The following SUPT20H variants were observed in gnomAD, a reference collection of about 807,000 sequenced individuals.
The protein encoded by SUPT20H is transcription factor SPT20 homolog.
SUPT20H carries 82 observed loss-of-function variants against 122.8 expected under a neutral mutation model. The observed-to-expected ratio is 0.67, with a 90% CI of 0.56 to 0.80. SUPT20H has a LOEUF of 0.80. Ranked by LOEUF, SUPT20H falls within the 30% of genes least tolerant of loss-of-function variation. SUPT20H has a pLI of 0.00. For synonymous variants in SUPT20H, 291 were observed against 313.0 expected (o/e 0.93, Z 0.74); for missense variants, 831 against 921.6 (o/e 0.90, Z 1.27).
At chr13:37,021,424 G>T in intron 21 of SUPT20H, 24 bp downstream of exon 21, 1 of 1,566,504 alleles carries the variant, frequency 6.4e-7, no homozygotes, top group Non-Finnish European at 8.7e-7. Context: ...TTTTTTTAGA[G>T]GTTATTATTT....
intron 12 of SUPT20H, 24 bp downstream of exon 12, chr13:37,031,543 A>T (rs1274124375): frequency 6.8e-7 from 1 of 1,477,190 alleles, no homozygotes; most frequent in Non-Finnish European, 9.0e-7. Context: ...TATATGAAAA[A>T]AAGTAATTCA....
intron 5 of SUPT20H, among the ~76,000 whole-genome samples, chr13:37,045,574 T>A (rs2066277327): frequency 6.6e-6 from 1 of 152,212 alleles, no homozygotes; most frequent in Admixed American, 6.5e-5. Flanking sequence ...TTTACTACTA[T>A]GTTTTATGCA....
intron 3 of SUPT20H, 108 bp downstream of exon 3, chr13:37,048,455 TA>T: frequency 1.0e-6 from 1 of 983,808 alleles, no homozygotes; most frequent in Non-Finnish European, 1.5e-6. Flanking sequence ...ATACTTGTCC[TA>T]AAATAGTAAT....
chr13:37,024,307 T>C, intron 18 of SUPT20H, 33 bp downstream of exon 18: 4 of 1,540,864 alleles, frequency 2.6e-6, no homozygotes, highest in Non-Finnish European at 3.5e-6. Context: ...ATATTTGTTA[T>C]TCTAGACTGC....
At chr13:37,014,887 C>A (rs2060175010) in intron 23 of SUPT20H, among the ~76,000 whole-genome samples, 1 of 152,162 alleles carries the variant, frequency 6.6e-6, no homozygotes. Flanking sequence ...CTGACACACA[C>A]ACCAGTGAAA....
rs1204802112 is a variant in SUPT20H, at chr13:37,022,731, A to C, written c.1592-651T>G. The C allele has an allele frequency of 5.1e-6, 5 of 989,550 alleles. No homozygotes were observed. Among genetic ancestry groups the C allele is most frequent in the Non-Finnish European group, 6.0e-6 (5 of 830,200 alleles). The allele number at this position is 989,550 out of a possible 1,614,324, so 61.3% of individuals were successfully genotyped here. ...AGTGTAAAAGTCTGAGATAAACTGT[A>C]AACATATTTAATAAGTTACATATGG... is the stretch of plus-strand genomic sequence containing the variant. On this transcript the variant is annotated intron_variant, in intron 19 of 25. Coordinates refer to ENST00000350612, the MANE Select transcript of SUPT20H (RefSeq NM_001014286.3). This position sits in a 1 kb window ranked among gnomAD's most constrained non-coding sequence, Gnocchi z 4.5.
intron 23 of SUPT20H, chr13:37,013,394 C>T (rs879588233): frequency 6.7e-6 from 1 of 150,284 alleles, no homozygotes; most frequent in Non-Finnish European, 1.5e-5. Context: ...TTTTTTTCAA[C>T]AAATGGTATT....
chr13:37,026,251 G>GAA lies in SUPT20H; in HGVS notation c.1179-17_1179-16dup. 6.8e-7 allele frequency: 1 copy of GAA among 1,478,578 alleles called. No homozygotes were observed. The highest frequency in any genetic ancestry group is 1.4e-5 in the South Asian group (1 of 69,668). The allele number at this position is 1,478,578 out of a possible 1,614,324, so 91.6% of individuals were successfully genotyped here. A position where few individuals can be genotyped will look rare whatever the true frequency, so the allele number is the denominator to read the frequency against. On this transcript the variant is annotated splice_polypyrimidine_tract_variant and intron_variant, in intron 15 of 25. Transcript: ENST00000350612. ...CAATAATGAACCTAAAATGTTTAAG[G>GAA]AAAAAAAAGGAGAGAAAAGTATTAG...
At chr13:37,042,821 A>G (rs1323529795) in intron 7 of SUPT20H, among the ~76,000 whole-genome samples, 1 of 152,114 alleles carries the variant, frequency 6.6e-6, no homozygotes, top group Non-Finnish European at 1.5e-5. Context: ...GTAGTTGGAG[A>G]AGGATATGAG....
intron 1 of SUPT20H, among the ~76,000 whole-genome samples, chr13:37,052,472 T>C (rs2067956547): frequency 1.3e-5 from 2 of 152,278 alleles, no homozygotes; most frequent in African/African-American, 4.8e-5. Flanking sequence ...GCTAGCCACA[T>C]GCAGAAAACA....
intron 1 of SUPT20H, among the ~76,000 whole-genome samples, chr13:37,058,017 C>T (rs1328068957): frequency 6.8e-6 from 1 of 147,304 alleles, no homozygotes; most frequent in Non-Finnish European, 1.5e-5. Context: ...GTGGCTCAGG[C>T]CTGTAAGAGG....
chr13:37,033,840 T>C (rs2063849967), intron 9 of SUPT20H, among the ~76,000 whole-genome samples: 1 of 152,254 alleles, frequency 6.6e-6, no homozygotes, highest in East Asian at 1.9e-4. Context: ...TTTTTACATA[T>C]TGAAGATCTG....
At chr13:37,045,182 T>TA in intron 6 of SUPT20H, 65 bp downstream of exon 6, 2 of 1,596,176 alleles carry the variant, frequency 1.3e-6, no homozygotes, top group Non-Finnish European at 1.7e-6. Flanking sequence ...AAAACTACTT[T>TA]AAAAAAACCG....
In SUPT20H at chr13:37,022,992, A is replaced by G; in HGVS notation, c.1592-912T>C. 3.2e-6 allele frequency: 4 copies of G among 1,263,586 alleles called. No individual in the cohort carries two copies. Among genetic ancestry groups the G allele is most frequent in the Non-Finnish European group, 4.1e-6 (4 of 979,446 alleles). 78.3% of individuals were successfully genotyped at this position (1,263,586 alleles called of 1,614,324 possible). ...AAAACAAAAACAAAAAACAAAAACC[A>G]AAAAAGTAAAACCAAAAGCTCTTGA... On this transcript the variant is annotated intron_variant, in intron 19 of 25. Transcript: ENST00000350612. This position sits in a 1 kb window ranked among gnomAD's most constrained non-coding sequence, Gnocchi z 4.5.
chr13:37,037,214 C>T (rs1314165983), intron 9 of SUPT20H, among the ~76,000 whole-genome samples: 1 of 126,780 alleles, frequency 7.9e-6, no homozygotes, highest in African/African-American at 2.7e-5. Context: ...AAAAAAAAAT[C>T]CAGTAAGGCT....
chr13:37,012,160 A>C lies in SUPT20H; in HGVS notation c.2098+32T>G. Reference sequence around the variant, plus strand: ...CCAAATAGATTAGATATGTTTAGTAAATTCAGCATATAAAGTTATGAAGAT... The same window carrying C: ...CCAAATAGATTAGATATGTTTAGTACATTCAGCATATAAAGTTATGAAGAT... On this transcript the variant is annotated intron_variant, in intron 24 of 25. Transcript: ENST00000350612. 3 of 1,512,840 alleles carry C rather than the reference A, an allele frequency of 2.0e-6. No individual in the cohort carries two copies. In the South Asian group the frequency reaches 3.4e-5, roughly 17 times the overall value. 93.7% of individuals were successfully genotyped at this position (1,512,840 alleles called of 1,614,324 possible).
rs2063388632 is a variant in SUPT20H at position 37,031,841 on chromosome 13, A to G, written c.762T>C (p.His254=). The G allele has an allele frequency of 1.2e-6, 2 of 1,608,366 alleles. No homozygotes were observed. Among genetic ancestry groups the G allele is most frequent in the Non-Finnish European group, 1.7e-6 (2 of 1,178,324 alleles). ...SSLNRQQDLS[H]CPPPPQLRLL... is the part of the protein sequence containing the mutation. The stretch of plus-strand genomic sequence containing the variant: ...ACCTCAGCTGAGGAGGAGGTGGACA[A>G]TGAGATAGATCTTGCTGCCGATTCA... Residue 254 remains histidine (H), a synonymous_variant, in exon 11 of 26, where the codon CAT becomes CAC. Transcript: ENST00000350612.
intron 2 of SUPT20H, among the ~76,000 whole-genome samples, chr13:37,050,347 CAAAAAAAAAAAA>C (rs61668901): frequency 1.3e-5 from 1 of 76,976 alleles, no homozygotes; most frequent in Admixed American, 1.6e-4. Flanking sequence ...CTGTCACTAC[CAAAAAAAAAAAA>C]AAAAAAAAAA....
intron 2 of SUPT20H, among the ~76,000 whole-genome samples, chr13:37,050,417 T>C (rs958151356): frequency 2.2e-4 from 33 of 151,288 alleles, no homozygotes; most frequent in Non-Finnish European, 2.2e-4. Context: ...AGGATTCAAG[T>C]TAAGATTCCT....
Sources: gnomAD v4.1 joint callset for allele counts (sites outside exome capture counted in the v4.1 genomes callset) on GRCh38, gnomAD v4.1.1 for gene constraint, Gnocchi (gnomAD v3.1) non-coding constraint, MANE v1.5 for transcripts, NCBI Gene and HGNC (gene_info 2026-07-23, HGNC 2026-07-21) for gene names.